Variants in SRGAP1 observed in about 807,000 individuals in gnomAD.
SRGAP1 encodes the protein SLIT-ROBO Rho GTPase-activating protein 1.
In SRGAP1, 43 loss-of-function variants were observed where a neutral mutation model predicts 121.9. The observed-to-expected ratio is 0.35, with a 90% CI of 0.28 to 0.46. The LOEUF (loss-of-function observed/expected upper bound fraction) is 0.46, where lower values mean the gene tolerates loss of function less well. SRGAP1 is among the 20% of genes least tolerant of loss of function. The probability of loss-of-function intolerance (pLI) is 1.00; values close to 1 mark genes in which losing one functional copy is unlikely to be tolerated. For synonymous variants in SRGAP1, 447 were observed against 485.4 expected (o/e 0.92, Z 1.04); for missense variants, 1,102 against 1,350.9 (o/e 0.82, Z 2.89).
rs1027156109 is a variant in SRGAP1, at chr12:64,155,528, A to C, written c.*12856A>C. 2.6e-5 allele frequency: 4 copies of C among 151,732 alleles called. No homozygotes were observed. The East Asian group carries it at 8.0e-4, about 30-fold the overall frequency. The allele number at this position is 151,732 out of a possible 1,614,324, so 9.4% of individuals were successfully genotyped here. On this transcript the variant is annotated 3_prime_UTR_variant, in exon 22 of 22. Transcript: ENST00000355086. ...CACGGCACTCCAGCTTGGGTGATAG[A>C]GTGGGACTCCGTCTCAAAATAAATA...
Position 63,984,005 on chromosome 12 carries a change from A to C in SRGAP1, c.126A>C (p.Arg42=), listed in dbSNP as rs1373476399. ...GCCTGGAGCAGCAAACGGAGATGCGAGTTCAGCTTCTCCAGGATCTGCAAG... is the reference window on the plus strand; with the variant it reads ...GCCTGGAGCAGCAAACGGAGATGCGCGTTCAGCTTCTCCAGGATCTGCAAG... ...QKCLEQQTEM[R]VQLLQDLQDF... is the part of the protein sequence containing the mutation. The change falls in exon 2 of 22, where the codon CGA becomes CGC. Residue 42 remains arginine, a synonymous_variant. Coordinates refer to ENST00000355086, the MANE Select transcript of SRGAP1 (RefSeq NM_020762.4). 8.2e-6 allele frequency: 13 copies of C among 1,577,288 alleles called. No individual in the cohort carries two copies. The African/African-American group carries it at 1.8e-4, about 21-fold the overall frequency.
At chr12:64,009,482 A>G (rs1012204569) in intron 3 of SRGAP1, among the ~76,000 whole-genome samples, 8 of 152,136 alleles carry the variant, frequency 5.3e-5, no homozygotes, top group Admixed American at 2.6e-4. Context: ...AATACTGTTT[A>G]TATGTGGTAG....
At chr12:64,080,224 C>T (rs1162869903) in intron 9 of SRGAP1, 62 bp from the exon 10 acceptor site, 11 of 1,417,200 alleles carry the variant, frequency 7.8e-6, no homozygotes, top group Middle Eastern at 2.0e-4. Context: ...GCCTGGGTGA[C>T]AAGAATGAAA....
chr12:63,955,023 T>A (rs2032419698), intron 1 of SRGAP1, among the ~76,000 whole-genome samples: 1 of 152,112 alleles, frequency 6.6e-6, no homozygotes, highest in South Asian at 2.1e-4. Context: ...ATTTTTAAAA[T>A]TAACAAATAA....
At chr12:63,906,337 C>T (rs146929386) in intron 1 of SRGAP1, among the ~76,000 whole-genome samples, 308 of 151,862 alleles carry the variant, frequency 2.0e-3, no homozygotes, top group African/African-American at 6.9e-3. Flanking sequence ...TGTTTTGAGA[C>T]GGAGTCTGGC....
chr12:64,072,818 C>A (rs2035667179), intron 8 of SRGAP1, among the ~76,000 whole-genome samples: 1 of 152,212 alleles, frequency 6.6e-6, no homozygotes, highest in Non-Finnish European at 1.5e-5. Flanking sequence ...CTGTCTTGTT[C>A]TCCCAGTGAT....
chr12:63,915,863 A>G (rs2030747263), intron 1 of SRGAP1, among the ~76,000 whole-genome samples: 2 of 152,116 alleles, frequency 1.3e-5, no homozygotes, highest in African/African-American at 4.8e-5. Context: ...CTAACCTTCA[A>G]AAGCTATTCA....
intron 1 of SRGAP1, among the ~76,000 whole-genome samples, chr12:63,882,975 G>A (rs73126648): frequency 0.047 from 7,177 of 152,280 alleles, 216 homozygotes; most frequent in Non-Finnish European, 0.055. Context: ...TCTCTGAAGC[G>A]TATGAGGAGA....
At chr12:63,991,606 T>C (rs1050096085) in intron 3 of SRGAP1, among the ~76,000 whole-genome samples, 3 of 152,224 alleles carry the variant, frequency 2.0e-5, no homozygotes, top group African/African-American at 4.8e-5. Flanking sequence ...TTCTTGTATA[T>C]GAGCTCTTTA....
intron 1 of SRGAP1, among the ~76,000 whole-genome samples, chr12:63,971,761 TGG>T (rs1167893985): frequency 6.6e-6 from 1 of 151,514 alleles, no homozygotes; most frequent in African/African-American, 2.4e-5. Flanking sequence ...GGTGTGTGTG[TGG>T]GTGTGTGTGT....
At chr12:64,016,929 T>G in intron 3 of SRGAP1, 21 bp from the exon 4 acceptor site, 1 of 1,362,128 alleles carries the variant, frequency 7.3e-7, no homozygotes, top group Non-Finnish European at 1.0e-6. Flanking sequence ...TAAAATATTC[T>G]TTTTTATTTT....
intron 3 of SRGAP1, among the ~76,000 whole-genome samples, chr12:64,012,115 T>C (rs2034270236): frequency 6.6e-6 from 1 of 152,214 alleles, no homozygotes; most frequent in Non-Finnish European, 1.5e-5. Flanking sequence ...TATTCTCTTA[T>C]TTCTTCAGTA....
At chr12:63,949,146 C>T (rs2032184211) in intron 1 of SRGAP1, among the ~76,000 whole-genome samples, 1 of 141,870 alleles carries the variant, frequency 7.0e-6, no homozygotes, top group Non-Finnish European at 1.5e-5. Context: ...TATATACATT[C>T]ATATATGTAT....
In SRGAP1 at chr12:63,844,993, C is replaced by T; in HGVS notation, c.67+110C>T. ...GCGTGGGAGGAAGGTGGTGAGGGGA[C>T]AGCTCGAGCCCTGTCTGAGCCACCT... On this transcript the variant is annotated intron_variant, in intron 1 of 21. Coordinates refer to ENST00000355086, the MANE Select transcript of SRGAP1 (RefSeq NM_020762.4). The surrounding 1 kb of genome is among the most constrained non-coding windows in gnomAD (Gnocchi z 4.3). The T allele has an allele frequency of 1.8e-6, 2 of 1,099,592 alleles. No homozygotes were observed. Among genetic ancestry groups the T allele is most frequent in the Non-Finnish European group, 2.8e-6 (2 of 721,364 alleles). 68.1% of individuals were successfully genotyped at this position (1,099,592 alleles called of 1,614,324 possible).
chr12:64,080,897 A>G (rs923951602), intron 10 of SRGAP1: 2 of 169,774 alleles, frequency 1.2e-5, no homozygotes, highest in African/African-American at 2.4e-5. Context: ...GTAGATTGCT[A>G]TGTCTAATAA....
rs59209930 is a variant in SRGAP1, at chr12:64,086,884, G to A, written c.1409-115G>A. The A allele has an allele frequency of 2.9e-3, 2,069 of 720,350 alleles. 36 individuals carry two copies. In the African/African-American group the frequency reaches 0.033, roughly 11 times the overall value. 44.6% of individuals were successfully genotyped at this position (720,350 alleles called of 1,614,324 possible). A position where few individuals can be genotyped will look rare whatever the true frequency, so the allele number is the denominator to read the frequency against. On this transcript the variant is annotated intron_variant, in intron 10 of 21. Coordinates refer to ENST00000355086, the MANE Select transcript of SRGAP1 (RefSeq NM_020762.4). ...TCCTCATGTTTTCTGCCATAAAAAC[G>A]TGTAAGTTATTACAAACTCAGTGTT...
At chr12:63,948,016 A>G (rs1003269244) in intron 1 of SRGAP1, among the ~76,000 whole-genome samples, 7 of 152,074 alleles carry the variant, frequency 4.6e-5, no homozygotes, top group South Asian at 2.1e-4. Context: ...AATTTTGTCA[A>G]ATGACTTTTT....
At chr12:63,895,699 C>T (rs1900731847) in intron 1 of SRGAP1, among the ~76,000 whole-genome samples, 1 of 152,206 alleles carries the variant, frequency 6.6e-6, no homozygotes, top group Non-Finnish European at 1.5e-5. Context: ...GAGGTTACAT[C>T]TCCTACAATG....
intron 1 of SRGAP1, among the ~76,000 whole-genome samples, chr12:63,861,302 A>AT (rs71457100): frequency 1.9e-3 from 251 of 132,616 alleles, no homozygotes; most frequent in Middle Eastern, 8.1e-3. Flanking sequence ...ATATATATAT[A>AT]TTTTTTTTTT....
Sources: gnomAD v4.1 joint callset for allele counts (sites outside exome capture counted in the v4.1 genomes callset) on GRCh38, gnomAD v4.1.1 for gene constraint, Gnocchi (gnomAD v3.1) non-coding constraint, MANE v1.5 for transcripts, NCBI Gene and HGNC (gene_info 2026-07-23, HGNC 2026-07-21) for gene names.